ZNF560: variants seen among roughly 807,000 people sequenced by gnomAD.
ZNF560 encodes zinc finger protein 560.
ZNF560 carries 54 observed loss-of-function variants against 81.8 expected under a neutral mutation model. That is an observed-to-expected ratio of 0.66 (90% confidence interval 0.53 to 0.83). The LOEUF is 0.83. Among genes scored for constraint, ZNF560 ranks in the 40% least tolerant of loss-of-function variants. ZNF560 has a pLI of 0.00. For missense variants in ZNF560, 940 were observed against 932.4 expected (o/e 1.01, Z -0.11); for synonymous variants, 321 against 317.9 (o/e 1.01, Z -0.10).
At chr19:9,488,702 G>A (rs2073423411) in intron 2 of ZNF560, among the ~76,000 whole-genome samples, 1 of 152,086 alleles carries the variant, frequency 6.6e-6, no homozygotes, top group African/African-American at 2.4e-5. Context: ...AGATCAAGAA[G>A]GTTAAAATGT....
At chr19:9,483,678 G>A (rs1044428021) in intron 2 of ZNF560, among the ~76,000 whole-genome samples, 1 of 150,402 alleles carries the variant, frequency 6.6e-6, no homozygotes, top group African/African-American at 2.4e-5. Context: ...GGGAGGTGGG[G>A]GGCGCCTCCG....
chr19:9,463,816 T>C (rs765666945), downstream of ZNF560, among the ~76,000 whole-genome samples: 82 of 152,188 alleles, frequency 5.4e-4, no homozygotes, highest in Non-Finnish European at 9.0e-4. Context: ...CTGAGTAGGT[T>C]GGACTACAGG....
At chr19:9,505,704 A>G in the ZNF560 span, among the ~76,000 whole-genome samples, 2 of 151,996 alleles carry the variant, frequency 1.3e-5, no homozygotes, top group Non-Finnish European at 1.5e-5. Flanking sequence ...TGTTTTTCAG[A>G]CAGTCTTGCT....
chr19:9,484,668 C>T (rs923882359), intron 2 of ZNF560, among the ~76,000 whole-genome samples: 37 of 150,312 alleles, frequency 2.5e-4, no homozygotes, highest in South Asian at 4.2e-4. Context: ...TCACAGCGCG[C>T]GCTACTTGGG....
chr19:9,465,334 T>TTGGACTGGA (rs1386302997), downstream of ZNF560, among the ~76,000 whole-genome samples: 1 of 152,192 alleles, frequency 6.6e-6, no homozygotes, highest in Non-Finnish European at 1.5e-5. Context: ...TTTCACCATG[T>TTGGACTGGA]TGGCCTGGAT....
At chr19:9,460,794 GA>G in the ZNF560 span, among the ~76,000 whole-genome samples, 1 of 152,180 alleles carries the variant, frequency 6.6e-6, no homozygotes, top group African/African-American at 2.4e-5. Flanking sequence ...GACCCGGTCA[GA>G]AAAAATGAAT....
chr19:9,500,243 G>A (rs536248671), upstream of ZNF560, among the ~76,000 whole-genome samples: 7 of 152,026 alleles, frequency 4.6e-5, no homozygotes, highest in African/African-American at 1.7e-4. Flanking sequence ...AAATTAGCCA[G>A]GCGTGGTGGT....
chr19:9,497,398 G>A (rs1279848557), intron 2 of ZNF560, among the ~76,000 whole-genome samples: 1 of 151,532 alleles, frequency 6.6e-6, no homozygotes, highest in Non-Finnish European at 1.5e-5. Context: ...ATCCGGGCAC[G>A]GTGGCACACC....
At chr19:9,482,349 A>G (rs1281802254) in intron 2 of ZNF560, among the ~76,000 whole-genome samples, 1 of 151,836 alleles carries the variant, frequency 6.6e-6, no homozygotes, top group East Asian at 1.9e-4. Context: ...GGTGCAGCAA[A>G]CCAACATGGC....
the ZNF560 span, among the ~76,000 whole-genome samples, chr19:9,506,404 C>T: frequency 3.9e-4 from 51 of 130,248 alleles, no homozygotes; most frequent in Admixed American, 7.4e-4. Flanking sequence ...TACGACTGCA[C>T]GCTTCTGTTG....
rs765132140 is a variant in ZNF560 at position 9,474,237 on chromosome 19, TC to T, written c.118del (p.Asp40MetfsTer2). 1 of 1,614,162 alleles carries T rather than the reference TC, an allele frequency of 6.2e-7. No individual in the cohort carries two copies. The highest frequency in any genetic ancestry group is 8.5e-7 in the Non-Finnish European group (1 of 1,180,020). On this transcript the variant is annotated frameshift_variant, in exon 4 of 10. Coordinates refer to ENST00000301480, the MANE Select transcript of ZNF560 (RefSeq NM_152476.3). LOFTEE classifies it high-confidence loss of function. ...LDPVQRNLYR[D>X]VMLENYENVA... Reference sequence around the variant, plus strand: ...GTTCTCATAATTCTCCAGCATCACATCTCTGTATAAGTTTCTCTGAACTGGG... The same window carrying T: ...GTTCTCATAATTCTCCAGCATCACATTCTGTATAAGTTTCTCTGAACTGGG...
chr19:9,496,727 G>A (rs1252292159), intron 2 of ZNF560, among the ~76,000 whole-genome samples: 3 of 151,544 alleles, frequency 2.0e-5, no homozygotes, highest in Admixed American at 6.6e-5. Flanking sequence ...CACGAGGTCA[G>A]GAGATCAAGA....
In ZNF560 at chr19:9,484,364, C is replaced by A. The variant is rs560670763; in HGVS notation, c.-56-8995G>T. ...GCCGCACTACCCAATATGGCAGCCA[C>A]TAGACATGTGTGGCTACTGAGCACT... On this transcript the variant is annotated intron_variant, in intron 2 of 9. Coordinates refer to ENST00000301480, the MANE Select transcript of ZNF560 (RefSeq NM_152476.3). Among the ~76,000 whole-genome samples the A allele has an allele frequency of 2.0e-5, 3 of 152,050 alleles. No individual in the cohort carries two copies. The South Asian group carries it at 6.2e-4, about 32-fold the overall frequency.
chr19:9,446,363 CAT>C, the ZNF560 span, among the ~76,000 whole-genome samples: 1 of 131,368 alleles, frequency 7.6e-6, no homozygotes, highest in Non-Finnish European at 1.6e-5. Flanking sequence ...TTTGCCAAGT[CAT>C]ACACACACAC....
chr19:9,452,158 A>G, the ZNF560 span, among the ~76,000 whole-genome samples: 1 of 152,194 alleles, frequency 6.6e-6, no homozygotes, highest in Non-Finnish European at 1.5e-5. Flanking sequence ...GCCAATAAAC[A>G]TAGGAAAAAA....
intron 2 of ZNF560, among the ~76,000 whole-genome samples, chr19:9,494,061 G>C (rs1471689390): frequency 1.3e-5 from 2 of 151,306 alleles, no homozygotes; most frequent in African/African-American, 4.9e-5. Context: ...GAACCTGGGA[G>C]GCGGAGGTTG....
intron 2 of ZNF560, among the ~76,000 whole-genome samples, chr19:9,480,055 G>A (rs912664226): frequency 2.6e-5 from 4 of 152,028 alleles, no homozygotes; most frequent in African/African-American, 4.8e-5. Context: ...TTTGAACAAC[G>A]GACAGATCAT....
chr19:9,485,992 G>A (rs1263915440), intron 2 of ZNF560, among the ~76,000 whole-genome samples: 2 of 152,210 alleles, frequency 1.3e-5, no homozygotes, highest in African/African-American at 4.8e-5. Flanking sequence ...GGCAGGGGCA[G>A]GGAGCATCAG....
At chr19:9,482,970 T>C (rs2073316512) in intron 2 of ZNF560, among the ~76,000 whole-genome samples, 1 of 152,198 alleles carries the variant, frequency 6.6e-6, no homozygotes, top group African/African-American at 2.4e-5. Context: ...CAGTGCTCAA[T>C]GTTGCTCAGG....
Sources: gnomAD v4.1 joint callset for allele counts (sites outside exome capture counted in the v4.1 genomes callset) on GRCh38, gnomAD v4.1.1 for gene constraint, MANE v1.5 for transcripts, NCBI Gene and HGNC (gene_info 2026-07-23, HGNC 2026-07-21) for gene names.